Variants in TMTC2 observed in about 807,000 individuals in gnomAD.
TMTC2 encodes the protein protein O-mannosyl-transferase TMTC2.
In TMTC2, 43 loss-of-function variants were observed where a neutral mutation model predicts 82.4. That is an observed-to-expected ratio of 0.52 (90% CI 0.41 to 0.67). The LOEUF is 0.67. TMTC2 is among the 30% of genes least tolerant of loss of function. The pLI is 0.00. For synonymous variants in TMTC2, 408 were observed against 381.9 expected (o/e 1.07, Z -0.80); for missense variants, 919 against 1,012.4 (o/e 0.91, Z 1.25).
At chr12:82,843,156 G>A (rs547911988) in intron 1 of TMTC2, among the ~76,000 whole-genome samples, 211 of 151,232 alleles carry the variant, frequency 1.4e-3, no homozygotes, top group African/African-American at 4.8e-3. Flanking sequence ...GCACAATCTC[G>A]GCTCACTGCA....
intron 1 of TMTC2, among the ~76,000 whole-genome samples, chr12:82,801,586 T>C (rs1366629355): frequency 6.6e-6 from 1 of 152,170 alleles, no homozygotes; most frequent in Non-Finnish European, 1.5e-5. Context: ...TTAGTGCGTT[T>C]ACAATCCCTG....
chr12:82,723,555 A>G (rs1300358451), intron 1 of TMTC2, among the ~76,000 whole-genome samples: 1 of 152,180 alleles, frequency 6.6e-6, no homozygotes, highest in African/African-American at 2.4e-5. Context: ...TGTACACCTC[A>G]TATACATAGA....
At chr12:83,030,732 A>G (rs1373154546) in intron 8 of TMTC2, 66 bp from the exon 9 acceptor site, 3 of 1,251,936 alleles carry the variant, frequency 2.4e-6, no homozygotes, top group Non-Finnish European at 3.5e-6. Flanking sequence ...TACTTCAGTT[A>G]GGCCCAGGCA....
At chr12:83,020,424 G>A (rs1880865002) in intron 8 of TMTC2, among the ~76,000 whole-genome samples, 1 of 152,106 alleles carries the variant, frequency 6.6e-6, no homozygotes, top group Non-Finnish European at 1.5e-5. Context: ...TCTGAAAACA[G>A]CATATTTTAA....
chr12:82,865,603 G>A (rs1314018000), intron 2 of TMTC2, among the ~76,000 whole-genome samples: 4 of 152,224 alleles, frequency 2.6e-5, no homozygotes, highest in East Asian at 1.9e-4. Context: ...ACAGATCAAC[G>A]AGACAGGAAA....
intron 8 of TMTC2, among the ~76,000 whole-genome samples, chr12:83,004,949 C>G (rs1275439614): frequency 6.6e-6 from 1 of 150,622 alleles, no homozygotes; most frequent in East Asian, 1.9e-4. Flanking sequence ...GTCAGGACTT[C>G]GTGACCAGCC....
intron 11 of TMTC2, among the ~76,000 whole-genome samples, chr12:83,106,949 T>C (rs1355982487): frequency 1.3e-5 from 2 of 152,202 alleles, no homozygotes; most frequent in African/African-American, 2.4e-5. Context: ...TGACAAGAAA[T>C]GCTGTGCAAA....
At chr12:82,924,381 A>AT (rs1278738094) in intron 3 of TMTC2, among the ~76,000 whole-genome samples, 7 of 152,208 alleles carry the variant, frequency 4.6e-5, no homozygotes, top group African/African-American at 1.7e-4. Flanking sequence ...TTTGTGGGTT[A>AT]TACAGTGACG....
chr12:82,757,934 T>C (rs1876428333), intron 1 of TMTC2, among the ~76,000 whole-genome samples: 4 of 152,176 alleles, frequency 2.6e-5, no homozygotes, highest in Admixed American at 2.6e-4. Context: ...AAGAGTCTGA[T>C]TGAAATATCA....
chr12:82,716,119 T>C (rs1035689832), intron 1 of TMTC2, among the ~76,000 whole-genome samples: 12 of 152,324 alleles, frequency 7.9e-5, no homozygotes, highest in African/African-American at 2.6e-4. Flanking sequence ...TGAATCTAAT[T>C]TTGAATGCAA....
chr12:83,032,260 TATATATATATATA>T (rs1881465044), intron 9 of TMTC2, among the ~76,000 whole-genome samples: 5 of 7,646 alleles, frequency 6.5e-4, no homozygotes, highest in African/African-American at 1.4e-3. Flanking sequence ...GAATATTTTA[TATATATATATATA>T]TATATATATA....
chr12:82,920,361 T>C (rs1875313955), intron 3 of TMTC2, among the ~76,000 whole-genome samples: 1 of 152,168 alleles, frequency 6.6e-6, no homozygotes, highest in Admixed American at 6.5e-5. Context: ...AATTTAGAGG[T>C]ATTTATTGTA....
At chr12:82,994,657 A>G (rs1020049533) in intron 8 of TMTC2, among the ~76,000 whole-genome samples, 4 of 149,880 alleles carry the variant, frequency 2.7e-5, no homozygotes, top group African/African-American at 7.4e-5. Flanking sequence ...GCAGTCCTGT[A>G]TAAAAACTTG....
At chr12:83,065,103 A>T (rs982206655) in intron 11 of TMTC2, among the ~76,000 whole-genome samples, 1 of 151,954 alleles carries the variant, frequency 6.6e-6, no homozygotes, top group Non-Finnish European at 1.5e-5. Context: ...TGCAATGTTC[A>T]TGTCAGGTCA....
At position 83,040,345 on chromosome 12, in the gene TMTC2, G is replaced by A. The variant is rs377352307; in HGVS notation, c.2152+9466G>A. Among the ~76,000 whole-genome samples, 3 of 152,270 alleles carry A rather than the reference G, an allele frequency of 2.0e-5. No homozygotes were observed. In the East Asian group the frequency reaches 5.8e-4, roughly 29 times the overall value. On this transcript the variant is annotated intron_variant, in intron 9 of 11. Coordinates refer to ENST00000321196, the MANE Select transcript of TMTC2 (RefSeq NM_152588.3). ...TTGCTGATATTATGGAGGACTGCTG[G>A]TGAAGAAATCCAGGGAGCTCTGATC... is the stretch of plus-strand genomic sequence containing the variant.
intron 8 of TMTC2, among the ~76,000 whole-genome samples, chr12:83,012,182 A>G (rs542119662): frequency 5.9e-5 from 9 of 152,266 alleles, no homozygotes; most frequent in Non-Finnish European, 8.8e-5. Flanking sequence ...GGTCTTACTT[A>G]TTTTTTATGC....
intron 7 of TMTC2, among the ~76,000 whole-genome samples, chr12:82,975,199 C>T (rs937804562): frequency 6.6e-6 from 1 of 152,004 alleles, no homozygotes; most frequent in South Asian, 2.1e-4. Flanking sequence ...AGAGCCTTAA[C>T]GCATGAAATA....
chr12:82,964,720 G>T, intron 4 of TMTC2, among the ~76,000 whole-genome samples: 1 of 152,062 alleles, frequency 6.6e-6, no homozygotes, highest in East Asian at 1.9e-4. Context: ...AGAAAACCAG[G>T]TGGTTAGTAA....
chr12:83,032,766 G>A (rs1565861906), intron 9 of TMTC2, among the ~76,000 whole-genome samples: 1 of 151,658 alleles, frequency 6.6e-6, no homozygotes, highest in African/African-American at 2.4e-5. Flanking sequence ...TCACCATGTT[G>A]GCCAGGCTGG....
Sources: allele counts gnomAD v4.1 joint callset (sites outside exome capture counted in the v4.1 genomes callset), GRCh38; gene constraint gnomAD v4.1.1; transcripts MANE v1.5; gene names NCBI Gene and HGNC (gene_info 2026-07-23, HGNC 2026-07-21).